The following MTAP variants were observed in gnomAD, a reference collection of about 807,000 sequenced individuals.
MTAP encodes the protein S-methyl-5'-thioadenosine phosphorylase.
In MTAP, 33 loss-of-function variants were observed where a neutral mutation model predicts 33.6. The observed-to-expected ratio is 0.98, with a 90% CI of 0.74 to 1.31. The LOEUF is 1.31. Ranked by LOEUF, MTAP falls within the 40% of genes most tolerant of loss-of-function variation. The probability of loss-of-function intolerance (pLI) is 0.00; values close to 1 mark genes in which losing one functional copy is unlikely to be tolerated. For missense variants in MTAP, 367 were observed against 360.0 expected (o/e 1.02, Z -0.16); for synonymous variants, 148 against 125.7 (o/e 1.18, Z -1.19).
At chr9:21,936,112 T>A (rs1006878702), downstream of MTAP, 1 of 152,256 alleles carries the variant, frequency 6.6e-6, no homozygotes, top group African/African-American at 2.4e-5. Flanking sequence ...GATCAATGTA[T>A]AGGAGATCTC....
intron 5 of MTAP, among the ~76,000 whole-genome samples, chr9:21,847,494 T>G (rs1825411366): frequency 6.6e-6 from 1 of 152,166 alleles, no homozygotes; most frequent in Admixed American, 6.5e-5. Context: ...CTTGAACTGT[T>G]TAGAGAGTTA....
intron 1 of MTAP, among the ~76,000 whole-genome samples, chr9:21,902,565 C>A (rs1818409825): frequency 6.6e-6 from 1 of 152,212 alleles, no homozygotes; most frequent in African/African-American, 2.4e-5. Context: ...TGAAGTCAAT[C>A]CTTAGAGGGA....
chr9:21,927,370 C>T (rs376912800), intron 1 of MTAP, among the ~76,000 whole-genome samples: 2 of 152,106 alleles, frequency 1.3e-5, no homozygotes, highest in East Asian at 3.9e-4. Flanking sequence ...ACTAATAGGC[C>T]CCTTATTGGA....
chr9:21,832,262 T>G (rs1824985969), intron 4 of MTAP, among the ~76,000 whole-genome samples: 1 of 152,184 alleles, frequency 6.6e-6, no homozygotes, highest in Non-Finnish European at 1.5e-5. Context: ...GGGCTTCCCC[T>G]AGAACTTTAT....
downstream of MTAP, chr9:21,941,004 CA>C (rs1819129288): frequency 2.3e-5 from 23 of 984,972 alleles, no homozygotes; most frequent in South Asian, 8.9e-4. Context: ...GAGCAAAGAC[CA>C]AACATATATT....
At chr9:21,929,355 T>G (rs929510740) in intron 1 of MTAP, 1 of 157,624 alleles carries the variant, frequency 6.3e-6, no homozygotes, top group Non-Finnish European at 1.4e-5. Flanking sequence ...TTGTTATGAT[T>G]ATTATCACTA....
At chr9:21,846,392 A>G (rs1825382282) in intron 5 of MTAP, among the ~76,000 whole-genome samples, 1 of 151,078 alleles carries the variant, frequency 6.6e-6, no homozygotes, top group Non-Finnish European at 1.5e-5. Context: ...TCCAGAATCT[A>G]CAGGGAACTG....
chr9:21,859,551 T>C, intron 7 of MTAP, 126 bp downstream of exon 7: 1 of 1,090,020 alleles, frequency 9.2e-7, no homozygotes, highest in Non-Finnish European at 1.3e-6. Flanking sequence ...CAAGTTTTTG[T>C]GACATCTACT....
At chr9:21,903,286 A>T (rs943608008) in intron 1 of MTAP, among the ~76,000 whole-genome samples, 2 of 152,198 alleles carry the variant, frequency 1.3e-5, no homozygotes, top group East Asian at 1.9e-4. Flanking sequence ...GGCTTTCGTG[A>T]ACAAGTTATC....
intron 1 of MTAP, 199 bp downstream of exon 1, chr9:21,802,980 C>T (rs1395402770): frequency 4.7e-6 from 3 of 633,924 alleles, no homozygotes; most frequent in Non-Finnish European, 6.4e-6. Context: ...CCCTGCCGCA[C>T]CGCCAACACA....
Position 21,866,576 on chromosome 9 carries a change from G to C in MTAP, c.*4562G>C, listed in dbSNP as rs1282127237. The C allele has an allele frequency of 6.6e-6, 1 of 152,022 alleles. No individual in the cohort carries two copies. The highest frequency in any genetic ancestry group is 2.4e-5 in the African/African-American group (1 of 41,418). 9.4% of individuals were successfully genotyped at this position (152,022 alleles called of 1,614,324 possible). Reference sequence around the variant, plus strand: ...TTACTGTTTATCTGTGAATCTGGATGATCTATTTATGTCATTTATCTATGT... The same window carrying C: ...TTACTGTTTATCTGTGAATCTGGATCATCTATTTATGTCATTTATCTATGT... On this transcript the variant is annotated 3_prime_UTR_variant, in exon 8 of 8. Transcript: ENST00000644715.
intron 1 of MTAP, among the ~76,000 whole-genome samples, chr9:21,884,237 A>G (rs943175996): frequency 1.3e-5 from 2 of 152,176 alleles, no homozygotes; most frequent in East Asian, 3.9e-4. Flanking sequence ...AAATGCATGA[A>G]TTTGTGTTGG....
Position 21,862,211 on chromosome 9 carries a change from G to A in MTAP, c.*197G>A. 3.9e-6 allele frequency: 5 copies of A among 1,296,172 alleles called. No individual in the cohort carries two copies. The highest frequency in any genetic ancestry group is 3.7e-5 in the Admixed American group (1 of 27,286). 80.3% of individuals were successfully genotyped at this position (1,296,172 alleles called of 1,614,324 possible). On this transcript the variant is annotated 3_prime_UTR_variant, in exon 8 of 8. Coordinates refer to ENST00000644715, the MANE Select transcript of MTAP (RefSeq NM_002451.4). ...ATTTAGACAACTTCAAAATACAGAAGAAAAGCAAATGACTAGTAAACATGT... is the reference window on the plus strand; with the variant it reads ...ATTTAGACAACTTCAAAATACAGAAAAAAAGCAAATGACTAGTAAACATGT...
chr9:21,817,142 G>A (rs1824496157), intron 3 of MTAP, among the ~76,000 whole-genome samples: 1 of 152,174 alleles, frequency 6.6e-6, no homozygotes, highest in Non-Finnish European at 1.5e-5. Flanking sequence ...TGGGAAGTAG[G>A]CTTAGGGCTT....
intron 1 of MTAP, among the ~76,000 whole-genome samples, chr9:21,890,812 G>A (rs991587919): frequency 2.6e-5 from 4 of 152,148 alleles, no homozygotes; most frequent in African/African-American, 9.7e-5. Context: ...CACAGAGCTT[G>A]CAGTGGCAAG....
intron 1 of MTAP, among the ~76,000 whole-genome samples, chr9:21,879,946 C>A (rs1204322636): frequency 6.6e-6 from 1 of 152,020 alleles, no homozygotes; most frequent in Non-Finnish European, 1.5e-5. Flanking sequence ...CCTGCCCTTT[C>A]TCTCTGGCTT....
At chr9:21,933,110 G>A (rs1320071102), downstream of MTAP, 1 of 152,228 alleles carries the variant, frequency 6.6e-6, no homozygotes, top group Admixed American at 6.5e-5. Context: ...ATTTGCTGAA[G>A]CTATCCACAC....
At chr9:21,853,982 G>A (rs540993703) in intron 5 of MTAP, among the ~76,000 whole-genome samples, 63 of 152,220 alleles carry the variant, frequency 4.1e-4, no homozygotes, top group Non-Finnish European at 7.8e-4. Flanking sequence ...GAAAAGGATC[G>A]AACTTTTCAA....
chr9:21,817,667 C>T (rs746979369), intron 3 of MTAP, among the ~76,000 whole-genome samples: 5 of 151,912 alleles, frequency 3.3e-5, no homozygotes, highest in African/African-American at 7.3e-5. Context: ...TGCAGGAGTC[C>T]GGCAGGAGAA....
Sources: allele counts gnomAD v4.1 joint callset (sites outside exome capture counted in the v4.1 genomes callset), GRCh38; gene constraint gnomAD v4.1.1; transcripts MANE v1.5; gene names NCBI Gene and HGNC (gene_info 2026-07-23, HGNC 2026-07-21).